The following ERG variants were observed in gnomAD, a reference collection of about 807,000 sequenced individuals.
The protein encoded by ERG is ETS transcription factor ERG.
In ERG, 9 loss-of-function variants were observed where a neutral mutation model predicts 55.3. That is an observed-to-expected ratio of 0.16 (90% confidence interval 0.10 to 0.28). The LOEUF is 0.28. Among genes scored for constraint, ERG ranks in the 10% least tolerant of loss-of-function variants. The pLI is 1.00. For missense variants in ERG, 434 were observed against 631.6 expected (o/e 0.69, Z 3.35); for synonymous variants, 223 against 237.3 (o/e 0.94, Z 0.55).
chr21:38,409,714 G>A (rs893777350), intron 3 of ERG, among the ~76,000 whole-genome samples: 3 of 152,138 alleles, frequency 2.0e-5, no homozygotes, highest in African/African-American at 7.2e-5. Context: ...TAAGAAAAAG[G>A]GAGAAATTTG....
intron 1 of ERG, among the ~76,000 whole-genome samples, chr21:38,458,312 T>G (rs894511006): frequency 1.2e-4 from 18 of 151,690 alleles, no homozygotes; most frequent in African/African-American, 4.4e-4. Context: ...TAATCCCAGC[T>G]ACTCGGTAGG....
chr21:38,574,388 G>A (rs751775836), intron 2 of ERG, among the ~76,000 whole-genome samples: 3 of 152,124 alleles, frequency 2.0e-5, no homozygotes, highest in Non-Finnish European at 4.4e-5. Flanking sequence ...AAATTATAGT[G>A]TCCCCATAAG....
chr21:38,588,290 G>A (rs1265195912), upstream of ERG, among the ~76,000 whole-genome samples: 2 of 151,384 alleles, frequency 1.3e-5, no homozygotes, highest in African/African-American at 2.4e-5. Context: ...CAAGGTCAAG[G>A]AGTCACATGA....
chr21:38,456,896 T>C (rs541957210), intron 1 of ERG, among the ~76,000 whole-genome samples: 1 of 152,328 alleles, frequency 6.6e-6, no homozygotes, highest in African/African-American at 2.4e-5. Context: ...TACGCTGAGC[T>C]CATGCTTTTC....
chr21:38,437,670 G>A (rs1354074906), intron 2 of ERG, among the ~76,000 whole-genome samples: 1 of 152,084 alleles, frequency 6.6e-6, no homozygotes, highest in African/African-American at 2.4e-5. Context: ...ACCTTGTTTG[G>A]GGTACATTCC....
At chr21:38,538,079 A>T (rs2059724772) in intron 2 of ERG, among the ~76,000 whole-genome samples, 2 of 152,324 alleles carry the variant, frequency 1.3e-5, no homozygotes, top group East Asian at 3.9e-4. Context: ...ACAAAAGGAC[A>T]AATGCTGTAC....
chr21:38,545,526 G>A (rs1276796451), intron 2 of ERG, among the ~76,000 whole-genome samples: 3 of 152,054 alleles, frequency 2.0e-5, no homozygotes, highest in Non-Finnish European at 4.4e-5. Flanking sequence ...TATTTTCCCT[G>A]TGCAAGAGAA....
chr21:38,594,753 T>C (rs760824193), intron 1 of ERG, among the ~76,000 whole-genome samples: 1 of 152,068 alleles, frequency 6.6e-6, no homozygotes, highest in African/African-American at 2.4e-5. Context: ...CAGACAACAA[T>C]AATAACTTAG....
chr21:38,423,542 T>C lies in ERG; in HGVS notation c.256A>G (p.Ser86Gly), dbSNP rs2146503806. ...NGSRNSPDECSVAKGGKMVGS... is the reference protein window; with the variant it reads ...NGSRNSPDECGVAKGGKMVGS... ...ACCATCTTCCCGCCTTTGGCCACAC[T>C]GCATTCATCAGGAGAGTTCCTGGAG... is the stretch of plus-strand genomic sequence containing the variant. The change falls in exon 3 of 10, where the codon AGT becomes GGT. Residue 86 changes from serine to glycine, a missense_variant. Around this residue, in one of 5 missense-constraint regions of ERG, gnomAD observed 212 missense variants for 262.9 expected, o/e 0.81. Coordinates refer to ENST00000288319, the MANE Select transcript of ERG (RefSeq NM_182918.4). The C allele has an allele frequency of 6.2e-7, 1 of 1,613,802 alleles. No individual in the cohort carries two copies. Among genetic ancestry groups the C allele is most frequent in the Non-Finnish European group, 8.5e-7 (1 of 1,179,730 alleles).
chr21:38,660,245 C>G (rs1175568847), intron 1 of ERG, among the ~76,000 whole-genome samples: 1 of 152,252 alleles, frequency 6.6e-6, no homozygotes, highest in Non-Finnish European at 1.5e-5. Context: ...ACCTCTTGGT[C>G]GGGGCCCCAG....
intron 1 of ERG, among the ~76,000 whole-genome samples, chr21:38,463,609 G>C (rs982034241): frequency 6.6e-6 from 1 of 152,254 alleles, no homozygotes; most frequent in African/African-American, 2.4e-5. Context: ...AAAGGAACTG[G>C]TGTGCACTGG....
At chr21:38,544,646 C>T (rs2059776568) in intron 2 of ERG, among the ~76,000 whole-genome samples, 1 of 152,010 alleles carries the variant, frequency 6.6e-6, no homozygotes, top group Non-Finnish European at 1.5e-5. Flanking sequence ...ACACAGAAAC[C>T]GTAAAATCAA....
At chr21:38,601,196 C>T (rs2836553) in intron 1 of ERG, among the ~76,000 whole-genome samples, 5,236 of 152,188 alleles carry the variant, frequency 0.034, 295 homozygotes, top group African/African-American at 0.12. Context: ...GAGTCCACAA[C>T]GCGGCAGCCA....
chr21:38,571,054 A>T (rs2059954418), intron 2 of ERG, among the ~76,000 whole-genome samples: 1 of 152,222 alleles, frequency 6.6e-6, no homozygotes, highest in African/African-American at 2.4e-5. Context: ...AATGACAAAA[A>T]TATTTATAGG....
Position 38,383,641 on chromosome 21 carries a change from G to A in ERG, c.1202C>T (p.Pro401Leu). The A allele has an allele frequency of 3.1e-6, 5 of 1,614,140 alleles. No homozygotes were observed. The highest frequency in any genetic ancestry group is 4.2e-6 in the Non-Finnish European group (5 of 1,180,016). The change falls in exon 10 of 10, where the codon CCC becomes CTC. Residue 401 changes from proline to leucine, a missense_variant. Pro to Leu is a moderately conservative substitution (Grantham distance 98). Transcript: ENST00000288319. This position sits in a 1 kb window ranked among gnomAD's most constrained non-coding sequence, Gnocchi z 5.7. ...DFHGIAQALQ[P>L]HPPESSLYKY... Reference sequence around the variant, plus strand: ...GTACAGAGATGACTCCGGGGGGTGGGGCTGGAGGGCCTGGGCGATCCCGTG... The same window carrying A: ...GTACAGAGATGACTCCGGGGGGTGGAGCTGGAGGGCCTGGGCGATCCCGTG...
chr21:38,476,652 A>C (rs1601098351), intron 1 of ERG, among the ~76,000 whole-genome samples: 1 of 152,244 alleles, frequency 6.6e-6, no homozygotes, highest in Non-Finnish European at 1.5e-5. Context: ...ATTAACCTTC[A>C]CCCGACAAGC....
At chr21:38,652,155 C>A (rs1423500900) in intron 1 of ERG, among the ~76,000 whole-genome samples, 1 of 152,200 alleles carries the variant, frequency 6.6e-6, no homozygotes, top group Non-Finnish European at 1.5e-5. Context: ...TCAGTTTCCA[C>A]ACTGTGTGAC....
chr21:38,567,099 G>A (rs2059927983), intron 2 of ERG, among the ~76,000 whole-genome samples: 1 of 152,136 alleles, frequency 6.6e-6, no homozygotes, highest in African/African-American at 2.4e-5. Context: ...CAGCATGTCT[G>A]GGGAACACTT....
At chr21:38,490,172 T>C (rs747828518) in intron 1 of ERG, among the ~76,000 whole-genome samples, 2 of 151,116 alleles carry the variant, frequency 1.3e-5, no homozygotes, top group South Asian at 2.1e-4. Flanking sequence ...AATGAAGAGA[T>C]AAAAACATGT....
Sources: allele counts gnomAD v4.1 joint callset (sites outside exome capture counted in the v4.1 genomes callset), GRCh38; gene constraint gnomAD v4.1.1; regional missense constraint gnomAD v4.1.1; non-coding constraint Gnocchi (gnomAD v3.1); transcripts MANE v1.5; gene names NCBI Gene and HGNC (gene_info 2026-07-23, HGNC 2026-07-21).